MTCL1: variants seen among roughly 807,000 people sequenced by gnomAD.
The protein encoded by MTCL1 is microtubule crosslinking factor 1, also known as microtubule cross-linking factor 1.
In MTCL1, 79 loss-of-function variants were observed where a neutral mutation model predicts 141.4. The ratio of observed to expected loss-of-function variants is 0.56; its 90% CI spans 0.47 to 0.67. The LOEUF is 0.67. MTCL1 is among the 30% of genes least tolerant of loss of function. The pLI is 0.00. For missense variants in MTCL1, 2,177 were observed against 2,113.9 expected (o/e 1.03, Z -0.59); for synonymous variants, 914 against 875.8 (o/e 1.04, Z -0.77).
chr18:8,754,637 CAG>C (rs1321965540), intron 4 of MTCL1, among the ~76,000 whole-genome samples: 2 of 152,162 alleles, frequency 1.3e-5, no homozygotes, highest in African/African-American at 2.4e-5. Flanking sequence ...ATGATAGATG[CAG>C]AGTTTTAAAT....
chr18:8,731,583 AAAT>A (rs1567953045), intron 4 of MTCL1, among the ~76,000 whole-genome samples: 2 of 152,238 alleles, frequency 1.3e-5, no homozygotes, highest in Non-Finnish European at 2.9e-5. Flanking sequence ...TCAAGAAAAA[AAAT>A]AATAATTAAA....
chr18:8,821,991 T>G (rs1375516394), intron 14 of MTCL1, among the ~76,000 whole-genome samples: 2 of 152,214 alleles, frequency 1.3e-5, no homozygotes, highest in Admixed American at 1.3e-4. Context: ...CAGTTTAATT[T>G]CCTCCAGTTT....
rs187015129 is a variant in MTCL1, at chr18:8,759,821, C to T, written c.358-18012C>T. Among the ~76,000 whole-genome samples the T allele has an allele frequency of 4.6e-4, 70 of 152,146 alleles. 1 individual carries two copies. The East Asian group carries it at 0.014, about 29-fold the overall frequency. On this transcript the variant is annotated intron_variant, in intron 4 of 16. Coordinates refer to ENST00000359865, the Ensembl canonical transcript of MTCL1. Reference sequence around the variant, plus strand: ...CTGCGGGGGGTCCCAGAGCTTGAAGCGGGATAGAGGTGGCACCCATCAGTG... The same window carrying T: ...CTGCGGGGGGTCCCAGAGCTTGAAGTGGGATAGAGGTGGCACCCATCAGTG...
intron 12 of MTCL1, among the ~76,000 whole-genome samples, chr18:8,814,924 C>T (rs2076601970): frequency 6.6e-6 from 1 of 152,174 alleles, no homozygotes; most frequent in African/African-American, 2.4e-5. Context: ...AAATTAGATA[C>T]ATGTGGTGAT....
At chr18:8,825,516 G>A (rs2076993773) in exon 15 of MTCL1, 2 of 1,612,186 alleles carry the variant, frequency 1.2e-6, no homozygotes, top group Non-Finnish European at 1.7e-6. Context: ...AGCCCTGCGT[G>A]GCAGCGGTGT....
chr18:8,825,495 T>C lies in MTCL1; in HGVS notation c.3985T>C (p.Leu1329=), dbSNP rs974826803. Residue 1329 remains leucine (L), a synonymous_variant, in exon 15 of 17, where the codon TTG becomes CTG. Transcript: ENST00000359865. ...GACTGTTCAGACCATCAGTGTGGGCTTGCAGACTGAAGCCCTGCGTGGCAG... is the reference window on the plus strand; with the variant it reads ...GACTGTTCAGACCATCAGTGTGGGCCTGCAGACTGAAGCCCTGCGTGGCAG... 4 of 1,611,434 alleles carry C rather than the reference T, an allele frequency of 2.5e-6. No homozygotes were observed. The African/African-American group carries it at 5.3e-5, about 22-fold the overall frequency.
Position 8,824,686 on chromosome 18 carries a change from C to T in MTCL1, c.3189-13C>T, listed in dbSNP as rs2076957523. ...CTGGCAGGTACTGACACCCTCTTTT[C>T]TGCTTTTCCCAGGGCGGTGTCCGTG... is the stretch of plus-strand genomic sequence containing the variant. On this transcript the variant is annotated splice_polypyrimidine_tract_variant and intron_variant, in intron 14 of 16. Coordinates refer to ENST00000359865, the Ensembl canonical transcript of MTCL1. 1 of 1,595,374 alleles carries T rather than the reference C, an allele frequency of 6.3e-7. No individual in the cohort carries two copies. The highest frequency in any genetic ancestry group is 1.1e-5 in the South Asian group (1 of 86,986).
At chr18:8,709,137 G>A (rs2096073288) in intron 1 of MTCL1, among the ~76,000 whole-genome samples, 1 of 152,144 alleles carries the variant, frequency 6.6e-6, no homozygotes, top group South Asian at 2.1e-4. Flanking sequence ...GTTAGCGTGT[G>A]CCCTTTATAA....
In MTCL1 at chr18:8,718,582, C is replaced by G. The variant is rs1286053179; in HGVS notation, c.132C>G (p.Ser44Arg). The G allele has an allele frequency of 8.1e-6, 13 of 1,613,946 alleles. No individual in the cohort carries two copies. The East Asian group carries it at 2.0e-4, about 25-fold the overall frequency. Residue 44 changes from serine (S) to arginine (R), a missense_variant, in exon 3 of 17, where the codon AGC becomes AGG. Transcript: ENST00000359865. ...GTCTTCGGAAAGCCGAGCAGAAAAG[C>G]CTGAAAGTGGCTGAGACGGGTCAGG... is the stretch of plus-strand genomic sequence containing the variant.
chr18:8,744,690 G>C (rs890903427), intron 4 of MTCL1, among the ~76,000 whole-genome samples: 2 of 151,672 alleles, frequency 1.3e-5, no homozygotes, highest in Non-Finnish European at 2.9e-5. Context: ...GCATGGTATG[G>C]TTTTTTTTGA....
intron 4 of MTCL1, among the ~76,000 whole-genome samples, chr18:8,735,112 C>T (rs1282613202): frequency 6.6e-6 from 1 of 152,190 alleles, no homozygotes; most frequent in Non-Finnish European, 1.5e-5. Flanking sequence ...TTAATAAGTT[C>T]ACAGTCATGA....
rs559222261 is a variant in MTCL1, at chr18:8,821,107, A to G, written c.3157-360A>G. ...CACTCTCTCTCTCTCTCTCAGTCTC[A>G]CTCTCACACTTAGGTTGTTACAAAT... On this transcript the variant is annotated intron_variant, in intron 13 of 16. Transcript: ENST00000359865. 3.3e-5 allele frequency among the ~76,000 whole-genome samples: 5 copies of G among 151,752 alleles called. No homozygotes were observed. In the South Asian group the frequency reaches 1.0e-3, roughly 32 times the overall value.
chr18:8,770,398 C>G (rs2096480482), intron 4 of MTCL1, among the ~76,000 whole-genome samples: 1 of 152,208 alleles, frequency 6.6e-6, no homozygotes, highest in Non-Finnish European at 1.5e-5. Context: ...CTGGAAGCCT[C>G]AGAGTCCAGG....
intron 7 of MTCL1, among the ~76,000 whole-genome samples, 187 bp from the exon 7 acceptor site, chr18:8,792,811 C>T (rs113535916): frequency 0.013 from 2,055 of 152,294 alleles, 50 homozygotes; most frequent in African/African-American, 0.047. Flanking sequence ...CCCCAGGTAA[C>T]GCAGGGAGCT....
At chr18:8,789,623 T>TCTA (rs1304008261) in intron 7 of MTCL1, 1 of 985,256 alleles carries the variant, frequency 1.0e-6, no homozygotes, top group East Asian at 1.1e-4. Flanking sequence ...TCAAGACTAG[T>TCTA]GTCTCAGCAG....
chr18:8,742,010 C>G (rs1449559334), intron 4 of MTCL1, among the ~76,000 whole-genome samples: 2 of 150,964 alleles, frequency 1.3e-5, no homozygotes, highest in East Asian at 3.9e-4. Context: ...CAGACCTGCC[C>G]TGGTGTCCTC....
intron 4 of MTCL1, among the ~76,000 whole-genome samples, chr18:8,740,985 A>G (rs1290122540): frequency 6.6e-6 from 1 of 152,194 alleles, no homozygotes; most frequent in Non-Finnish European, 1.5e-5. Flanking sequence ...AGGTCTTCTC[A>G]CCACAGACTC....
In MTCL1 at chr18:8,779,184, A is replaced by C. The variant is rs1003312217; in HGVS notation, c.417+1292A>C. 3.3e-5 allele frequency among the ~76,000 whole-genome samples: 5 copies of C among 152,166 alleles called. No homozygotes were observed. Among genetic ancestry groups the C allele is most frequent in the African/African-American group, 1.2e-4 (5 of 41,442 alleles). ...CTTGCAAGCCAAAGAATATATACAG[A>C]GAGCGATATATTTCTGTTGCTTGAC... On this transcript the variant is annotated intron_variant, in intron 5 of 16. Transcript: ENST00000359865. This position sits in a 1 kb window ranked among gnomAD's most constrained non-coding sequence, Gnocchi z 4.1.
intron 4 of MTCL1, among the ~76,000 whole-genome samples, chr18:8,777,399 A>G (rs911532739): frequency 6.6e-6 from 1 of 152,222 alleles, no homozygotes; most frequent in African/African-American, 2.4e-5. Context: ...TGGCCAGGAA[A>G]CACCAATTAA....
Sources: gnomAD v4.1 joint callset for allele counts (sites outside exome capture counted in the v4.1 genomes callset) on GRCh38, gnomAD v4.1.1 for gene constraint, Gnocchi (gnomAD v3.1) non-coding constraint, MANE v1.5 for transcripts, NCBI Gene and HGNC (gene_info 2026-07-23, HGNC 2026-07-21) for gene names.